Variants in TRAF3IP3 observed in about 807,000 individuals in gnomAD.
TRAF3IP3 encodes the protein TRAF3-interacting JNK-activating modulator.
TRAF3IP3 carries 64 observed loss-of-function variants against 86.5 expected under a neutral mutation model. That is an observed-to-expected ratio of 0.74 (90% CI 0.60 to 0.91). The LOEUF (loss-of-function observed/expected upper bound fraction) is 0.91, where lower values mean the gene tolerates loss of function less well. TRAF3IP3 is among the 40% of genes least tolerant of loss of function. The pLI, the probability that TRAF3IP3 is intolerant of heterozygous loss-of-function variation, is 0.00. For missense variants in TRAF3IP3, 579 were observed against 642.9 expected (o/e 0.90, Z 1.07); for synonymous variants, 220 against 243.9 (o/e 0.90, Z 0.91).
intron 8 of TRAF3IP3, among the ~76,000 whole-genome samples, chr1:209,765,295 A>G (rs1318854509): frequency 6.7e-6 from 1 of 148,394 alleles, no homozygotes; most frequent in Non-Finnish European, 1.5e-5. Flanking sequence ...GGAAGAAATT[A>G]AGATAGAAAT....
At position 209,780,559 on chromosome 1, in the gene TRAF3IP3, G is replaced by T; in HGVS notation, c.1402G>T (p.Asp468Tyr). ...GAAGGAGAAAGACTGGGATCTCAGA[G>T]ACCAGCTGCAAAAGAAGACTTTGCA... ...TGKEKDWDLR[D>Y]QLQKKTLQLQ... is the part of the protein sequence containing the mutation. The change falls in exon 15 of 17, where the codon GAC becomes TAC. Residue 468 changes from aspartate (D) to tyrosine (Y), a missense_variant. Transcript: ENST00000367025. 6.2e-7 allele frequency: 1 copy of T among 1,601,096 alleles called. No individual in the cohort carries two copies. Among genetic ancestry groups the T allele is most frequent in the South Asian group, 1.1e-5 (1 of 89,384 alleles).
At position 209,782,069 on chromosome 1, in the gene TRAF3IP3, G is replaced by A. The variant is rs564537532; in HGVS notation, c.1577G>A (p.Arg526Gln). The A allele has an allele frequency of 1.7e-5, 28 of 1,613,994 alleles. No homozygotes were observed. Among genetic ancestry groups the A allele is most frequent in the Middle Eastern group, 1.6e-4 (1 of 6,062 alleles). The change falls in exon 17 of 17, where the codon CGA becomes CAA. Residue 526 changes from arginine to glutamine, a missense_variant. Physicochemically the swap from Arg to Gln is conservative, Grantham distance 43. Transcript: ENST00000367025. ...QQLPPRRQCG[R>Q]WLPVLMVVIA... ...GTCCCCCTACAGAGGCAATGTGGGC[G>A]ATGGCTCCCAGTGCTGATGGTGGTG...
Position 209,780,611 on chromosome 1 carries a change from G to T in TRAF3IP3, c.1449+5G>T. 1.3e-6 allele frequency: 2 copies of T among 1,580,120 alleles called. No individual in the cohort carries two copies. Among genetic ancestry groups the T allele is most frequent in the South Asian group, 2.3e-5 (2 of 87,428 alleles). On this transcript the variant is annotated splice_donor_5th_base_variant and intron_variant, in intron 15 of 16. Coordinates refer to ENST00000367025, the MANE Select transcript of TRAF3IP3 (RefSeq NM_025228.4). ...CTCCAGGCCAAGGAAAAGGAGGTGA[G>T]AGGGTGACCTGAGATAGTGAGGGCT...
intron 8 of TRAF3IP3, among the ~76,000 whole-genome samples, chr1:209,771,085 T>TGTGCGCGCATGTGAAG (rs2077496083): frequency 6.9e-6 from 1 of 144,452 alleles, no homozygotes; most frequent in South Asian, 2.2e-4. Context: ...GGTGGAGGTG[T>TGTGCGCGCATGTGAAG]GTGTGTGCAG....
At chr1:209,765,364 T>C (rs2077338091) in intron 8 of TRAF3IP3, among the ~76,000 whole-genome samples, 1 of 152,100 alleles carries the variant, frequency 6.6e-6, no homozygotes, top group Non-Finnish European at 1.5e-5. Flanking sequence ...CTAACCTGAA[T>C]TACATGTTTT....
rs144580950 is a variant in TRAF3IP3, at chr1:209,760,146, G to A, written c.107G>A (p.Arg36His). ...GAGATCCGTGAAAGCCGCCGCTGCC[G>A]TCCCAATGTGACCACTTGCCGCCAG... is the stretch of plus-strand genomic sequence containing the variant. ...RQEIRESRRC[R>H]PNVTTCRQVG... is the part of the protein sequence containing the mutation. Residue 36 changes from arginine (R) to histidine (H), a missense_variant, in exon 3 of 17, where the codon CGT becomes CAT. Transcript: ENST00000367025. 90 of 1,614,096 alleles carry A rather than the reference G, an allele frequency of 5.6e-5. No individual in the cohort carries two copies. The African/African-American group carries it at 8.9e-4, about 16-fold the overall frequency.
chr1:209,782,067 G>A lies in TRAF3IP3; in HGVS notation c.1575G>A (p.Gly525=). 1 of 1,614,074 alleles carries A rather than the reference G, an allele frequency of 6.2e-7. No homozygotes were observed. The highest frequency in any genetic ancestry group is 8.5e-7 in the Non-Finnish European group (1 of 1,179,956). The change falls in exon 17 of 17, where the codon GGG becomes GGA. Residue 525 remains glycine (G), a synonymous_variant. Transcript: ENST00000367025. ...CTGTCCCCCTACAGAGGCAATGTGG[G>A]CGATGGCTCCCAGTGCTGATGGTGG... The part of the protein sequence containing the change: ...SQQLPPRRQC[G]RWLPVLMVVI...
At chr1:209,779,151 G>A in intron 13 of TRAF3IP3, 164 bp from the exon 14 acceptor site, 1 of 609,004 alleles carries the variant, frequency 1.6e-6, no homozygotes, top group Non-Finnish European at 2.9e-6. Flanking sequence ...CATTATTTAA[G>A]GTACTGAGGG....
rs777523238 is a variant in TRAF3IP3 at position 209,780,521 on chromosome 1, C to A, written c.1364C>A (p.Pro455His). 3.7e-6 allele frequency: 6 copies of A among 1,603,550 alleles called. No homozygotes were observed. The highest frequency in any genetic ancestry group is 4.3e-6 in the Non-Finnish European group (5 of 1,174,796). ...AAGTCCTTCCCTAACGAAGTGGAGC[C>A]TGAGGGTACAGGGAAGGAGAAAGAC... ...SPKSFPNEVE[P>H]EGTGKEKDWD... Residue 455 changes from proline to histidine, a missense_variant, in exon 15 of 17, where the codon CCT becomes CAT. Transcript: ENST00000367025.
At chr1:209,780,238 C>T in intron 14 of TRAF3IP3, 1 of 329,650 alleles carries the variant, frequency 3.0e-6, no homozygotes, top group Non-Finnish European at 5.5e-6. Flanking sequence ...ACTGGGGATA[C>T]AAAGAAAAGA....
chr1:209,780,637 CA>C, intron 15 of TRAF3IP3, 31 bp downstream of exon 15: 2 of 1,490,982 alleles, frequency 1.3e-6, no homozygotes, highest in South Asian at 2.6e-5. Flanking sequence ...AGTGAGGGCT[CA>C]TTTGCGAAAT....
intron 8 of TRAF3IP3, chr1:209,768,346 T>C: frequency 1.0e-6 from 1 of 985,458 alleles, no homozygotes; most frequent in Non-Finnish European, 1.2e-6. Context: ...TGGGGCACTA[T>C]TGAGACTCCT....
At position 209,778,163 on chromosome 1, in the gene TRAF3IP3, G is replaced by A; in HGVS notation, c.1242G>A (p.Gln414=). The change falls in exon 13 of 17, where the codon CAG becomes CAA. Residue 414 remains glutamine, a synonymous_variant. Transcript: ENST00000367025. ...AEKLTLVTRV[Q]QLQGLLQNQS... The stretch of plus-strand genomic sequence containing the variant: ...AACTCACCCTGGTGACCAGAGTACA[G>A]CAGTTGCAGGGTAAGTTCGCTTTCC... 1.9e-6 allele frequency: 3 copies of A among 1,614,062 alleles called. No homozygotes were observed. The highest frequency in any genetic ancestry group is 2.5e-6 in the Non-Finnish European group (3 of 1,179,900).
intron 15 of TRAF3IP3, chr1:209,781,078 CA>C (rs2077768406): frequency 4.3e-6 from 1 of 233,014 alleles, no homozygotes; most frequent in Non-Finnish European, 8.5e-6. Context: ...CTCTCATTTG[CA>C]AAGCACTTGC....
chr1:209,777,292 C>T, intron 11 of TRAF3IP3, 60 bp from the exon 12 acceptor site: 1 of 1,473,518 alleles, frequency 6.8e-7, no homozygotes, highest in South Asian at 1.3e-5. Context: ...TGGTACCCGC[C>T]CCCCAACCTC....
Position 209,777,351 on chromosome 1 carries a change from G to A in TRAF3IP3, c.1054-1G>A, listed in dbSNP as rs1189296597. 6.2e-7 allele frequency: 1 copy of A among 1,613,124 alleles called. No individual in the cohort carries two copies. The highest frequency in any genetic ancestry group is 8.5e-7 in the Non-Finnish European group (1 of 1,179,604). ...ATATTGGCCCTTCCTCCTCCTTACAGGGAGCAGATAGCAGGGACTTACAGA... is the reference window on the plus strand; with the variant it reads ...ATATTGGCCCTTCCTCCTCCTTACAAGGAGCAGATAGCAGGGACTTACAGA... On this transcript the variant is annotated splice_acceptor_variant, in intron 11 of 16. Transcript: ENST00000367025. LOFTEE classifies it high-confidence loss of function.
intron 11 of TRAF3IP3, 161 bp from the exon 12 acceptor site, chr1:209,777,191 T>C (rs1301480611): frequency 5.5e-6 from 3 of 545,504 alleles, no homozygotes; most frequent in African/African-American, 3.9e-5. Context: ...AGGGAAGAAA[T>C]AGGAAAAAAG....
In TRAF3IP3 at chr1:209,777,976, G is replaced by A. The variant is rs1209876679; in HGVS notation, c.1190-135G>A. On this transcript the variant is annotated intron_variant, in intron 12 of 16. Transcript: ENST00000367025. ...GTTTACCTCTTCAGAACTGGGACAC[G>A]AAGATAGAGCAACTTCCAATAGACA... The A allele has an allele frequency of 6.1e-5, 47 of 774,000 alleles. 1 individual carries two copies. Among genetic ancestry groups the A allele is most frequent in the South Asian group, 4.5e-4 (25 of 55,464 alleles). The allele number at this position is 774,000 out of a possible 1,614,324, so 47.9% of individuals were successfully genotyped here.
intron 8 of TRAF3IP3, among the ~76,000 whole-genome samples, chr1:209,770,605 GGT>G (rs34404623): frequency 0.18 from 26,301 of 143,640 alleles, 2,776 homozygotes; most frequent in Non-Finnish European, 0.23. Context: ...TGCATGTGGA[GGT>G]GTGTGTGCAG....
Sources: allele counts gnomAD v4.1 joint callset (sites outside exome capture counted in the v4.1 genomes callset), GRCh38; gene constraint gnomAD v4.1.1; transcripts MANE v1.5; gene names NCBI Gene and HGNC (gene_info 2026-07-23, HGNC 2026-07-21).